SDK1: variants seen among roughly 807,000 people sequenced by gnomAD.
SDK1 encodes the protein protein sidekick-1.
A neutral mutation model predicts 245.5 loss-of-function variants in SDK1; 157 were observed. The ratio of observed to expected loss-of-function variants is 0.64; its 90% confidence interval spans 0.56 to 0.73. The LOEUF is 0.73. Among genes scored for constraint, SDK1 ranks in the 30% least tolerant of loss-of-function variants. SDK1 has a pLI of 0.00. For synonymous variants in SDK1, 1,647 were observed against 1,278.5 expected (o/e 1.29, Z -6.15); for missense variants, 3,583 against 3,002.3 (o/e 1.19, Z -4.52).
intron 1 of SDK1, among the ~76,000 whole-genome samples, chr7:3,305,110 C>A (rs1413769144): frequency 6.6e-6 from 1 of 152,150 alleles, no homozygotes; most frequent in African/African-American, 2.4e-5. Context: ...GTTCCAGGTT[C>A]ATGATTTGAA....
At chr7:4,242,884 G>A (rs962647011) in intron 43 of SDK1, among the ~76,000 whole-genome samples, 1 of 152,176 alleles carries the variant, frequency 6.6e-6, no homozygotes, top group Non-Finnish European at 1.5e-5. Flanking sequence ...GGGTGGCGCC[G>A]AGGCACGGGT....
intron 19 of SDK1, among the ~76,000 whole-genome samples, chr7:4,059,337 A>G (rs1779390850): frequency 6.6e-6 from 1 of 152,194 alleles, no homozygotes; most frequent in Non-Finnish European, 1.5e-5. Context: ...AAAACAGTAA[A>G]AAGAGACAAA....
intron 5 of SDK1, among the ~76,000 whole-genome samples, chr7:3,935,109 G>T (rs1179772721): frequency 6.6e-6 from 1 of 152,194 alleles, no homozygotes; most frequent in African/African-American, 2.4e-5. Context: ...GCCTTTGGTA[G>T]GAACTGATGG....
intron 32 of SDK1, among the ~76,000 whole-genome samples, chr7:4,172,394 G>A (rs1017946920): frequency 1.3e-5 from 2 of 152,178 alleles, no homozygotes; most frequent in Admixed American, 1.3e-4. Context: ...CACAGTGCAA[G>A]CCCCCCTCAC....
intron 4 of SDK1, among the ~76,000 whole-genome samples, chr7:3,667,824 A>G (rs1783581493): frequency 6.6e-6 from 1 of 152,192 alleles, no homozygotes; most frequent in South Asian, 2.1e-4. Context: ...TGCATGTACC[A>G]CAGCTTGTTA....
chr7:3,356,208 G>T (rs1165749439), intron 1 of SDK1, among the ~76,000 whole-genome samples: 1 of 152,090 alleles, frequency 6.6e-6, no homozygotes, highest in African/African-American at 2.4e-5. Flanking sequence ...GACAGTGCTT[G>T]CCCTTCTCTA....
At chr7:4,018,126 C>T (rs1266561672) in intron 17 of SDK1, among the ~76,000 whole-genome samples, 1 of 152,226 alleles carries the variant, frequency 6.6e-6, no homozygotes, top group Non-Finnish European at 1.5e-5. Context: ...CAGCCCAAAT[C>T]CTTGCCCAGG....
At chr7:3,394,410 T>G (rs1781840517) in intron 1 of SDK1, among the ~76,000 whole-genome samples, 1 of 152,188 alleles carries the variant, frequency 6.6e-6, no homozygotes, top group Non-Finnish European at 1.5e-5. Flanking sequence ...TTTTTATTAG[T>G]ACTATAATGC....
intron 25 of SDK1, among the ~76,000 whole-genome samples, chr7:4,126,387 T>C (rs73048317): frequency 0.033 from 5,055 of 152,354 alleles, 120 homozygotes; most frequent in Admixed American, 0.045. Flanking sequence ...AGTTCAGTGA[T>C]GTTGTACACA....
chr7:3,410,768 G>T (rs374946795), intron 1 of SDK1, among the ~76,000 whole-genome samples: 1 of 151,780 alleles, frequency 6.6e-6, no homozygotes, highest in African/African-American at 2.4e-5. Flanking sequence ...TGTATTTTCA[G>T]TAGAGACAGG....
chr7:3,626,018 A>G (rs1344705941), intron 2 of SDK1, among the ~76,000 whole-genome samples: 1 of 145,378 alleles, frequency 6.9e-6, no homozygotes, highest in Non-Finnish European at 1.5e-5. Context: ...ATCATAGCTC[A>G]TTGCAGCCTG....
At chr7:3,679,958 G>A (rs1784048916) in intron 4 of SDK1, among the ~76,000 whole-genome samples, 1 of 152,136 alleles carries the variant, frequency 6.6e-6, no homozygotes, top group African/African-American at 2.4e-5. Flanking sequence ...ACACGCAAAT[G>A]TTCACAGAGG....
chr7:3,839,654 T>A (rs891427028), intron 5 of SDK1, among the ~76,000 whole-genome samples: 1 of 152,226 alleles, frequency 6.6e-6, no homozygotes, highest in African/African-American at 2.4e-5. Flanking sequence ...CATGAATATA[T>A]GAACTAATTA....
At position 3,599,009 on chromosome 7, in the gene SDK1, C is replaced by T. The variant is rs145324413; in HGVS notation, c.299-20071C>T. On this transcript the variant is annotated intron_variant, in intron 1 of 44. Coordinates refer to ENST00000404826, the MANE Select transcript of SDK1 (RefSeq NM_152744.4). ...GGGTTGCATGGTAGTTGCATGCTTG[C>T]TTTTATCAGAAACCACCAGTCTGGT... Among the ~76,000 whole-genome samples, 721 of 149,466 alleles carry T rather than the reference C, an allele frequency of 4.8e-3. 8 individuals carry two copies. The highest frequency in any genetic ancestry group is 0.016 in the African/African-American group (674 of 40,866).
chr7:3,694,576 G>C (rs907108385), intron 4 of SDK1, among the ~76,000 whole-genome samples: 1 of 51,552 alleles, frequency 1.9e-5, no homozygotes, highest in African/African-American at 7.0e-5. Flanking sequence ...ATTTATGTTG[G>C]TGGGGGGGGA....
At chr7:3,802,552 T>G (rs989008310) in intron 4 of SDK1, among the ~76,000 whole-genome samples, 1 of 151,474 alleles carries the variant, frequency 6.6e-6, no homozygotes, top group Admixed American at 6.6e-5. Context: ...AAAAAAGTGC[T>G]ACAGAGCTGT....
chr7:4,233,372 A>G lies in SDK1; in HGVS notation c.5945A>G (p.Asn1982Ser). ...TACGAGTTCCGGGTGGTGGCTGTGA[A>G]TGAGGCGGGCTACGGGGAGCCCAGC... Reference protein sequence around the residue: ...VTYEFRVVAVNEAGYGEPSNP... With the variant: ...VTYEFRVVAVSEAGYGEPSNP... The change falls in exon 41 of 45, where the codon AAT (asparagine) becomes AGT (serine). Residue 1982 changes from asparagine to serine, a missense_variant. Coordinates refer to ENST00000404826, the MANE Select transcript of SDK1 (RefSeq NM_152744.4). 1.2e-6 allele frequency: 2 copies of G among 1,613,756 alleles called. No individual in the cohort carries two copies. The highest frequency in any genetic ancestry group is 1.3e-5 in the African/African-American group (1 of 75,062).
intron 2 of SDK1, among the ~76,000 whole-genome samples, chr7:3,624,481 A>G (rs1183961944): frequency 1.3e-5 from 2 of 152,004 alleles, no homozygotes; most frequent in African/African-American, 2.4e-5. Context: ...TTACAGGTGT[A>G]AGCCACCACA....
chr7:4,059,351 G>C (rs1779392048), intron 19 of SDK1, among the ~76,000 whole-genome samples: 1 of 152,082 alleles, frequency 6.6e-6, no homozygotes, highest in Admixed American at 6.5e-5. Flanking sequence ...AGACAAAGAA[G>C]GTTATTGTGT....
Sources: gnomAD v4.1 joint callset for allele counts (sites outside exome capture counted in the v4.1 genomes callset) on GRCh38, gnomAD v4.1.1 for gene constraint, MANE v1.5 for transcripts, NCBI Gene and HGNC (gene_info 2026-07-23, HGNC 2026-07-21) for gene names.